The following OTOP1 variants were observed in gnomAD, a reference collection of about 807,000 sequenced individuals.
OTOP1 encodes proton channel OTOP1.
Under a neutral mutation model 52.9 loss-of-function variants are expected in OTOP1, and 59 were observed. The observed-to-expected ratio is 1.12, with a 90% confidence interval of 0.91 to 1.39. OTOP1 has a LOEUF of 1.39. Ranked by LOEUF, OTOP1 falls within the 40% of genes most tolerant of loss-of-function variation. The pLI is 0.00. For synonymous variants in OTOP1, 317 were observed against 337.7 expected, an observed-to-expected ratio of 0.94 and a Z score of 0.67; for missense variants, 761 against 800.9, an observed-to-expected ratio of 0.95 and a Z score of 0.60.
rs373084018 is a variant in OTOP1 at position 4,216,518 on chromosome 4, C to T, written c.404-3514G>A. 1.3e-3 allele frequency among the ~76,000 whole-genome samples: 203 copies of T among 152,272 alleles called. 3 individuals carry two copies. The South Asian group carries it at 0.039, about 30-fold the overall frequency. On this transcript the variant is annotated intron_variant, in intron 1 of 5. Transcript: ENST00000296358. ...AACATTGGGCTATAACGTTACATCT[C>T]CAGCCTCAGAAGCCTCCTCTGAAAA...
intron 4 of OTOP1, 32 bp from the exon 5 acceptor site, chr4:4,198,135 C>G: frequency 6.4e-7 from 1 of 1,562,458 alleles, no homozygotes; most frequent in South Asian, 1.1e-5. Flanking sequence ...CACAGGAGGG[C>G]GATTAGCAGG....
In OTOP1 at chr4:4,226,766, G is replaced by A. The variant is rs750414698; in HGVS notation, c.99C>T (p.Ser33=). 1.2e-5 allele frequency: 16 copies of A among 1,380,974 alleles called. No homozygotes were observed. Among genetic ancestry groups the A allele is most frequent in the South Asian group, 1.7e-5 (1 of 60,296 alleles). The allele number at this position is 1,380,974 out of a possible 1,614,324, so 85.5% of individuals were successfully genotyped here. A position where few individuals can be genotyped will look rare whatever the true frequency, so the allele number is the denominator to read the frequency against. ...SGPAACSPPS[S]SAPRSPESPA... The stretch of plus-strand genomic sequence containing the variant: ...GGGATTCCGGGGACCTCGGGGCCGA[G>A]GACGAGGGAGGCGAGCAGGCCGCTG... Residue 33 remains serine (S), a synonymous_variant, in exon 1 of 6, where the codon TCC becomes TCT. Coordinates refer to ENST00000296358, the MANE Select transcript of OTOP1 (RefSeq NM_177998.3).
rs71600542 is a variant in OTOP1 at position 4,199,233 on chromosome 4, T to TGAGAGAGAGAGA, written c.731-1142_731-1131dup. ...ACTCAGGTAAAATTGTGTGTGTGTGTGAGAGAGAGAGAGAGAGAGAGAGAG... is the reference window on the plus strand; with the variant it reads ...ACTCAGGTAAAATTGTGTGTGTGTGTGAGAGAGAGAGAGAGAGAGAGAGAGAGAGAGAGAGAG... On this transcript the variant is annotated intron_variant, in intron 4 of 5. Coordinates refer to ENST00000296358, the MANE Select transcript of OTOP1 (RefSeq NM_177998.3). 2.0e-3 allele frequency among the ~76,000 whole-genome samples: 197 copies of TGAGAGAGAGAGA among 98,552 alleles called. 11 individuals carry two copies. Among genetic ancestry groups the TGAGAGAGAGAGA allele is most frequent in the African/African-American group, 7.5e-3 (170 of 22,622 alleles). 64.7% of individuals were successfully genotyped at this position (98,552 alleles called of 152,430 possible).
intron 4 of OTOP1, among the ~76,000 whole-genome samples, chr4:4,198,983 G>GA (rs1296458916): frequency 6.6e-6 from 1 of 152,184 alleles, no homozygotes; most frequent in Non-Finnish European, 1.5e-5. Context: ...TTGAGGTCAG[G>GA]AGTTCGAGAC....
At chr4:4,207,059 AAAAAT>A (rs1220935274) in intron 2 of OTOP1, among the ~76,000 whole-genome samples, 1 of 152,178 alleles carries the variant, frequency 6.6e-6, no homozygotes, top group Non-Finnish European at 1.5e-5. Context: ...CTCTAGTTAT[AAAAAT>A]AAAATCAGAG....
chr4:4,226,255 G>T (rs1277283642), intron 1 of OTOP1, among the ~76,000 whole-genome samples: 1 of 151,674 alleles, frequency 6.6e-6, no homozygotes, highest in Non-Finnish European at 1.5e-5. Flanking sequence ...GTCTGGAGGC[G>T]GAGAGGAGGC....
At chr4:4,209,187 C>T (rs1047125477) in intron 2 of OTOP1, among the ~76,000 whole-genome samples, 1 of 152,160 alleles carries the variant, frequency 6.6e-6, no homozygotes, top group Non-Finnish European at 1.5e-5. Context: ...GTCCCCTCTC[C>T]TTGGTGCTTT....
Position 4,202,560 on chromosome 4 carries a change from C to T in OTOP1, c.618G>A (p.Ser206=), listed in dbSNP as rs774670171. ...KTLERFGVIH[S]VFTNLLLWAN... ...CCCACAGAAGCAGGTTGGTGAACAC[C>T]GAGTGGATCACTCCAAACCTGAAAA... The change falls in exon 4 of 6, where the codon TCG becomes TCA. Residue 206 remains serine (S), a synonymous_variant. Coordinates refer to ENST00000296358, the MANE Select transcript of OTOP1 (RefSeq NM_177998.3). The T allele has an allele frequency of 6.8e-6, 11 of 1,613,844 alleles. No individual in the cohort carries two copies. The highest frequency in any genetic ancestry group is 2.2e-5 in the South Asian group (2 of 91,086).
At chr4:4,190,303 T>C (rs1301321170) in intron 5 of OTOP1, among the ~76,000 whole-genome samples, 2 of 152,106 alleles carry the variant, frequency 1.3e-5, no homozygotes, top group African/African-American at 2.4e-5. Flanking sequence ...TGAAACCCCA[T>C]CTCTACTAAA....
rs368167369 is a variant in OTOP1 at position 4,197,796 on chromosome 4, T to A, written c.1038A>T (p.Ala346=). ...IGRSKTKSES[A]LIMFYLYAIT... Reference sequence around the variant, plus strand: ...TGGCATACAGGTAGAACATGATGAGTGCCGACTCGCTCTTGGTCTTGGAGC... The same window carrying A: ...TGGCATACAGGTAGAACATGATGAGAGCCGACTCGCTCTTGGTCTTGGAGC... Residue 346 remains alanine, a synonymous_variant, in exon 5 of 6, where the codon GCA becomes GCT. Coordinates refer to ENST00000296358, the MANE Select transcript of OTOP1 (RefSeq NM_177998.3). 14 of 1,613,746 alleles carry A rather than the reference T, an allele frequency of 8.7e-6. No individual in the cohort carries two copies. Among genetic ancestry groups the A allele is most frequent in the Non-Finnish European group, 1.1e-5 (13 of 1,179,960 alleles).
chr4:4,222,189 GAAT>G (rs1372052154), intron 1 of OTOP1, among the ~76,000 whole-genome samples: 1 of 152,064 alleles, frequency 6.6e-6, no homozygotes, highest in Admixed American at 6.6e-5. Context: ...AACAGTCACT[GAAT>G]AATACAATCT....
intron 5 of OTOP1, among the ~76,000 whole-genome samples, chr4:4,192,574 G>A (rs575159112): frequency 1.3e-5 from 2 of 152,250 alleles, no homozygotes; most frequent in South Asian, 2.1e-4. Flanking sequence ...AACAGAACAC[G>A]TCCATTACTT....
intron 1 of OTOP1, among the ~76,000 whole-genome samples, chr4:4,217,480 T>C (rs1717178391): frequency 6.6e-6 from 1 of 152,194 alleles, no homozygotes; most frequent in African/African-American, 2.4e-5. Context: ...GAATGATGTT[T>C]GAAGATACAC....
intron 1 of OTOP1, among the ~76,000 whole-genome samples, chr4:4,224,631 C>T (rs1717384741): frequency 6.6e-6 from 1 of 152,158 alleles, no homozygotes; most frequent in South Asian, 2.1e-4. Context: ...GTCACAAAAC[C>T]ATTAACTTCC....
intron 1 of OTOP1, among the ~76,000 whole-genome samples, chr4:4,225,420 T>C (rs1425778210): frequency 6.6e-6 from 1 of 152,038 alleles, no homozygotes; most frequent in Non-Finnish European, 1.5e-5. Context: ...ATAACAAAAC[T>C]TAGCTGGGCA....
At chr4:4,212,731 A>T in intron 2 of OTOP1, 137 bp downstream of exon 2, 1 of 974,226 alleles carries the variant, frequency 1.0e-6, no homozygotes, top group East Asian at 2.6e-5. Context: ...AGCCTCAAAG[A>T]CAGATTTCAG....
intron 5 of OTOP1, among the ~76,000 whole-genome samples, chr4:4,189,252 C>T (rs541097772): frequency 7.9e-4 from 120 of 152,368 alleles, no homozygotes; most frequent in African/African-American, 2.8e-3. Flanking sequence ...ATCCCTACAG[C>T]CCTCGCCCAG....
At chr4:4,205,727 C>T (rs1170711630) in intron 3 of OTOP1, among the ~76,000 whole-genome samples, 1 of 152,190 alleles carries the variant, frequency 6.6e-6, no homozygotes, top group Non-Finnish European at 1.5e-5. Context: ...GTTTTCAGGA[C>T]AGCACCTCAA....
intron 1 of OTOP1, among the ~76,000 whole-genome samples, chr4:4,220,227 C>T (rs1241423987): frequency 6.6e-6 from 1 of 150,586 alleles, no homozygotes; most frequent in Non-Finnish European, 1.5e-5. Flanking sequence ...CTCAGCCTCC[C>T]TGCTTTATAT....
Sources: gnomAD v4.1 joint callset for allele counts (sites outside exome capture counted in the v4.1 genomes callset) on GRCh38, gnomAD v4.1.1 for gene constraint, MANE v1.5 for transcripts, NCBI Gene and HGNC (gene_info 2026-07-23, HGNC 2026-07-21) for gene names.